The following PPME1 variants were observed in gnomAD, a reference collection of about 807,000 sequenced individuals.
PPME1 encodes testicular secretory protein Li 39.
Under a neutral mutation model 56.9 loss-of-function variants are expected in PPME1, and 17 were observed. The observed-to-expected ratio is 0.30, with a 90% CI of 0.20 to 0.45. The LOEUF (loss-of-function observed/expected upper bound fraction) is 0.45. Among genes scored for constraint, PPME1 ranks in the 20% least tolerant of loss-of-function variants. The probability of loss-of-function intolerance (pLI) is 1.00; values close to 1 mark genes in which losing one functional copy is unlikely to be tolerated. For missense variants in PPME1, 357 were observed against 483.2 expected (o/e 0.74, Z 2.45); for synonymous variants, 122 against 156.2 (o/e 0.78, Z 1.63).
intron 3 of PPME1, among the ~76,000 whole-genome samples, chr11:74,212,192 T>TG (rs1396593077): frequency 6.6e-6 from 1 of 152,182 alleles, no homozygotes; most frequent in Non-Finnish European, 1.5e-5. Context: ...TGTGTGCTTG[T>TG]GGGAGGGAGA....
At chr11:74,227,384 C>A (rs1565390640) in intron 5 of PPME1, among the ~76,000 whole-genome samples, 1 of 146,612 alleles carries the variant, frequency 6.8e-6, no homozygotes, top group Non-Finnish European at 1.5e-5. Context: ...TAGATGATGA[C>A]CAAGAATCAA....
intron 1 of PPME1, among the ~76,000 whole-genome samples, chr11:74,190,353 C>G (rs1007686150): frequency 6.6e-6 from 1 of 152,160 alleles, no homozygotes; most frequent in African/African-American, 2.4e-5. Flanking sequence ...AGTTCTGGTT[C>G]TGAGTTCAGT....
At chr11:74,202,091 C>T (rs1858184792) in intron 1 of PPME1, among the ~76,000 whole-genome samples, 1 of 152,158 alleles carries the variant, frequency 6.6e-6, no homozygotes, top group Non-Finnish European at 1.5e-5. Context: ...TAATTTTATT[C>T]AGTCTCTGCA....
chr11:74,171,359 C>T lies in PPME1; in HGVS notation c.-63C>T, dbSNP rs999275689. On this transcript the variant is annotated 5_prime_UTR_variant, in exon 1 of 14. Coordinates refer to ENST00000328257, the MANE Select transcript of PPME1 (RefSeq NM_016147.3). ...GGGGAGCGAGTCGTGACCGGTTGGG[C>T]CACACTCAACGTGGGACGAAGCTTC... is the stretch of plus-strand genomic sequence containing the variant. 1.9e-6 allele frequency: 3 copies of T among 1,546,784 alleles called. No individual in the cohort carries two copies. Among genetic ancestry groups the T allele is most frequent in the African/African-American group, 1.4e-5 (1 of 73,536 alleles).
chr11:74,180,843 C>G (rs941809257), intron 1 of PPME1, among the ~76,000 whole-genome samples: 3 of 152,156 alleles, frequency 2.0e-5, no homozygotes, highest in Non-Finnish European at 2.9e-5. Context: ...CACTTATTCT[C>G]TAAGAGCGAA....
chr11:74,204,350 T>C lies in PPME1; in HGVS notation c.196-3T>C. ...TAGATGTTTTATCTTTAACTATTCA[T>C]ACACTTTTCGAGTCTACAAGAGTGG... is the stretch of plus-strand genomic sequence containing the variant. On this transcript the variant is annotated splice_region_variant and splice_polypyrimidine_tract_variant and intron_variant, in intron 2 of 13. Transcript: ENST00000328257. 1 of 1,606,342 alleles carries C rather than the reference T, an allele frequency of 6.2e-7. No individual in the cohort carries two copies. The highest frequency in any genetic ancestry group is 8.5e-7 in the Non-Finnish European group (1 of 1,173,534).
At chr11:74,171,545 C>G (rs779577918) in intron 1 of PPME1, 23 bp downstream of exon 1, 1 of 1,595,180 alleles carries the variant, frequency 6.3e-7, no homozygotes, top group Non-Finnish European at 8.5e-7. Context: ...TACCCCTTCT[C>G]CCTATGGGCC....
At chr11:74,228,835 T>C (rs1327862329) in intron 5 of PPME1, among the ~76,000 whole-genome samples, 1 of 152,150 alleles carries the variant, frequency 6.6e-6, no homozygotes, top group Non-Finnish European at 1.5e-5. Flanking sequence ...AGTTCTCTTT[T>C]CTTTCCTTCA....
At chr11:74,225,146 C>T (rs1858901784) in intron 4 of PPME1, 59 bp from the exon 5 acceptor site, 9 of 1,174,404 alleles carry the variant, frequency 7.7e-6, no homozygotes, top group Middle Eastern at 4.9e-4. Flanking sequence ...AAAGAGAATA[C>T]TTCTGCTTTT....
At chr11:74,178,004 A>C (rs1445713701) in intron 1 of PPME1, among the ~76,000 whole-genome samples, 1 of 152,212 alleles carries the variant, frequency 6.6e-6, no homozygotes, top group Non-Finnish European at 1.5e-5. Context: ...ATGTGAAACA[A>C]TCTAATTTGC....
At chr11:74,240,145 A>T (rs547479298) in intron 9 of PPME1, among the ~76,000 whole-genome samples, 20 of 152,020 alleles carry the variant, frequency 1.3e-4, no homozygotes, top group Middle Eastern at 3.4e-3. Flanking sequence ...TGTCTTTCCA[A>T]CACAGCACTG....
At position 74,199,925 on chromosome 11, in the gene PPME1, A is replaced by G. The variant is rs58686259; in HGVS notation, c.102-3803A>G. On this transcript the variant is annotated intron_variant, in intron 1 of 13. Coordinates refer to ENST00000328257, the MANE Select transcript of PPME1 (RefSeq NM_016147.3). Reference sequence around the variant, plus strand: ...GAACAGTATAGGGGAAACTGCCCCCATGATTCAATTATCTCCAACCAGGTC... The same window carrying G: ...GAACAGTATAGGGGAAACTGCCCCCGTGATTCAATTATCTCCAACCAGGTC... Among the ~76,000 whole-genome samples the G allele has an allele frequency of 9.4e-3, 1,436 of 152,304 alleles. 16 individuals are homozygous for G. Among genetic ancestry groups the G allele is most frequent in the African/African-American group, 0.033 (1,355 of 41,570 alleles).
chr11:74,222,474 C>A, intron 4 of PPME1, 105 bp downstream of exon 4: 3 of 1,015,890 alleles, frequency 3.0e-6, no homozygotes, highest in South Asian at 1.4e-5. Flanking sequence ...ATAACCTGGT[C>A]TATTCCATTT....
chr11:74,218,209 G>A lies in PPME1; in HGVS notation c.289-4103G>A, dbSNP rs186647680. Among the ~76,000 whole-genome samples the A allele has an allele frequency of 5.5e-4, 84 of 152,026 alleles. 1 individual carries two copies. The highest frequency in any genetic ancestry group is 5.0e-4 in the Non-Finnish European group (34 of 67,960). On this transcript the variant is annotated intron_variant, in intron 3 of 13. Transcript: ENST00000328257. ...AAATACCTAGGAATTAACCAAAGAA[G>A]TGAAATACAATGAAATGTATAAAAC... is the stretch of plus-strand genomic sequence containing the variant.
chr11:74,194,111 A>G (rs1287245411), intron 1 of PPME1, among the ~76,000 whole-genome samples: 6 of 152,132 alleles, frequency 3.9e-5, no homozygotes, highest in African/African-American at 2.4e-5. Flanking sequence ...ATTTAGCTCC[A>G]TATCAGTTTG....
chr11:74,251,913 A>G (rs767668928), intron 13 of PPME1, 198 bp downstream of exon 13: 2 of 775,056 alleles, frequency 2.6e-6, no homozygotes, highest in Non-Finnish European at 4.6e-6. Flanking sequence ...CTGTGCTCCC[A>G]CGGGTTGATG....
chr11:74,240,537 C>G, intron 9 of PPME1, among the ~76,000 whole-genome samples: 1 of 152,192 alleles, frequency 6.6e-6, no homozygotes, highest in Non-Finnish European at 1.5e-5. Context: ...ATGACCTACT[C>G]CTTTGCATTT....
At chr11:74,203,562 C>T (rs1858231010) in intron 1 of PPME1, among the ~76,000 whole-genome samples, 166 bp from the exon 2 acceptor site, 1 of 152,066 alleles carries the variant, frequency 6.6e-6, no homozygotes, top group South Asian at 2.1e-4. Flanking sequence ...TAATACAATA[C>T]ATTAAATACA....
intron 3 of PPME1, among the ~76,000 whole-genome samples, chr11:74,219,461 C>T (rs984249055): frequency 2.6e-5 from 4 of 152,060 alleles, no homozygotes; most frequent in African/African-American, 7.2e-5. Flanking sequence ...TATTACAGCA[C>T]TATTTACAAT....
Sources: gnomAD v4.1 joint callset for allele counts (sites outside exome capture counted in the v4.1 genomes callset) on GRCh38, gnomAD v4.1.1 for gene constraint, MANE v1.5 for transcripts, NCBI Gene and HGNC (gene_info 2026-07-23, HGNC 2026-07-21) for gene names.